The following DTNA variants were observed in gnomAD, a reference collection of about 807,000 sequenced individuals.
DTNA encodes the protein dystrophin-related protein 3.
A neutral mutation model predicts 100.7 loss-of-function variants in DTNA; 43 were observed. The ratio of observed to expected loss-of-function variants is 0.43; its 90% confidence interval spans 0.33 to 0.55. The LOEUF (loss-of-function observed/expected upper bound fraction) is 0.55. DTNA is among the 20% of genes least tolerant of loss of function. The probability of loss-of-function intolerance (pLI) is 0.04; values close to 1 mark genes in which losing one functional copy is unlikely to be tolerated. For synonymous variants in DTNA, 349 were observed against 347.9 expected, an observed-to-expected ratio of 1.00 and a Z score of -0.04; for missense variants, 798 against 953.9, an observed-to-expected ratio of 0.84 and a Z score of 2.15.
chr18:34,814,131 T>C (rs936161250), intron 6 of DTNA, among the ~76,000 whole-genome samples: 1 of 152,206 alleles, frequency 6.6e-6, no homozygotes, highest in Non-Finnish European at 1.5e-5. Flanking sequence ...AATGTTATTC[T>C]TGTGTTCTTG....
intron 4 of DTNA, among the ~76,000 whole-genome samples, chr18:34,795,964 A>G (rs576558992): frequency 6.6e-6 from 1 of 152,346 alleles, no homozygotes; most frequent in East Asian, 1.9e-4. Context: ...AAGATTGATG[A>G]AAAGCTAAGT....
intron 1 of DTNA, among the ~76,000 whole-genome samples, chr18:34,512,876 G>A (rs1601323331): frequency 6.6e-6 from 1 of 152,104 alleles, no homozygotes; most frequent in East Asian, 1.9e-4. Context: ...TTTTTCCACT[G>A]TGATGAAAAG....
chr18:34,705,666 TAACTCA>T (rs1161162726), upstream of DTNA, among the ~76,000 whole-genome samples: 22 of 152,322 alleles, frequency 1.4e-4, no homozygotes, highest in East Asian at 4.2e-3. Context: ...TTAGACTTTC[TAACTCA>T]AACTCAGTAA....
chr18:34,670,398 G>A (rs143392498), intron 1 of DTNA, among the ~76,000 whole-genome samples: 5,278 of 152,014 alleles, frequency 0.035, 287 homozygotes, highest in African/African-American at 0.12. Context: ...AAGTTTGATC[G>A]TCTGAAGCCT....
At chr18:34,697,722 G>T (rs1319726054) in intron 1 of DTNA, among the ~76,000 whole-genome samples, 1 of 152,086 alleles carries the variant, frequency 6.6e-6, no homozygotes, top group Non-Finnish European at 1.5e-5. Context: ...AGGAGGAGGT[G>T]ACAACTTCCT....
At chr18:34,784,696 T>C (rs1288152637) in intron 3 of DTNA, among the ~76,000 whole-genome samples, 1 of 152,214 alleles carries the variant, frequency 6.6e-6, no homozygotes, top group Non-Finnish European at 1.5e-5. Flanking sequence ...CCATGAGACT[T>C]ACAATCTTTT....
At chr18:34,545,132 G>T (rs534380682) in intron 1 of DTNA, among the ~76,000 whole-genome samples, 51 of 152,128 alleles carry the variant, frequency 3.4e-4, no homozygotes, top group African/African-American at 1.2e-3. Flanking sequence ...TAGAGCTTGT[G>T]GGGGCTAATG....
chr18:34,878,139 A>AT (rs2096837057), intron 19 of DTNA, among the ~76,000 whole-genome samples: 1 of 151,962 alleles, frequency 6.6e-6, no homozygotes, highest in South Asian at 2.1e-4. Flanking sequence ...CGCCTGGCTA[A>AT]TTTTTTGTTG....
intron 1 of DTNA, among the ~76,000 whole-genome samples, chr18:34,704,868 A>G (rs1443859003): frequency 6.6e-6 from 1 of 152,174 alleles, no homozygotes; most frequent in Non-Finnish European, 1.5e-5. Context: ...GGTAGACTTA[A>G]TTTTCAGAAA....
At chr18:34,860,078 A>C (rs1361578110) in intron 16 of DTNA, among the ~76,000 whole-genome samples, 1 of 151,802 alleles carries the variant, frequency 6.6e-6, no homozygotes, top group Non-Finnish European at 1.5e-5. Flanking sequence ...ATGGAGTCTC[A>C]CTCTGTCACC....
intron 1 of DTNA, among the ~76,000 whole-genome samples, chr18:34,658,289 C>A (rs2074681740): frequency 6.6e-6 from 1 of 152,160 alleles, no homozygotes; most frequent in African/African-American, 2.4e-5. Context: ...AAATTACAAT[C>A]TTTCAGTAGC....
upstream of DTNA, among the ~76,000 whole-genome samples, chr18:34,707,111 G>T (rs2082213596): frequency 6.6e-6 from 1 of 152,052 alleles, no homozygotes; most frequent in African/African-American, 2.4e-5. Flanking sequence ...TTGCAGCCAT[G>T]TTGCTTAATT....
At position 34,794,150 on chromosome 18, in the gene DTNA, A is replaced by C; in HGVS notation, c.262A>C (p.Ile88Leu). 6.2e-7 allele frequency: 1 copy of C among 1,614,076 alleles called. No homozygotes were observed. Among genetic ancestry groups the C allele is most frequent in the Non-Finnish European group, 8.5e-7 (1 of 1,179,990 alleles). The part of the protein sequence containing the change: ...VSRLEAVLST[I>L]FYQLNKRMPT... ...CCGCTTAGAGGCTGTGCTCTCCACT[A>C]TTTTTTACCAGCTCAACAAACGGAT... is the stretch of plus-strand genomic sequence containing the variant. The change falls in exon 4 of 23, where the codon ATT becomes CTT. Residue 88 changes from isoleucine to leucine, a missense_variant. This residue lies in a region of DTNA where 197 missense variants were observed against 215.4 expected (regional missense o/e 0.91). Coordinates refer to ENST00000444659, the MANE Select transcript of DTNA (RefSeq NM_001386795.1).
At chr18:34,675,420 A>C (rs1025727176) in intron 1 of DTNA, among the ~76,000 whole-genome samples, 1 of 152,144 alleles carries the variant, frequency 6.6e-6, no homozygotes, top group East Asian at 1.9e-4. Context: ...GAAAGTAGCT[A>C]AAATTTCTGC....
chr18:34,783,405 A>G (rs1465463290), intron 3 of DTNA, among the ~76,000 whole-genome samples: 1 of 152,216 alleles, frequency 6.6e-6, no homozygotes, highest in African/African-American at 2.4e-5. Flanking sequence ...TATGTTGTAG[A>G]CCTTTTCATG....
At chr18:34,610,279 G>A (rs942648480) in intron 1 of DTNA, among the ~76,000 whole-genome samples, 3 of 152,140 alleles carry the variant, frequency 2.0e-5, no homozygotes, top group African/African-American at 4.8e-5. Flanking sequence ...TGAGAACTGG[G>A]ATAAGTCAAA....
chr18:34,730,970 C>T (rs2087988024), intron 1 of DTNA, among the ~76,000 whole-genome samples: 1 of 152,138 alleles, frequency 6.6e-6, no homozygotes, highest in Non-Finnish European at 1.5e-5. Context: ...ACATATGCCT[C>T]CAGATAGTTT....
At chr18:34,507,591 A>C (rs1200588009) in intron 1 of DTNA, among the ~76,000 whole-genome samples, 1 of 152,210 alleles carries the variant, frequency 6.6e-6, no homozygotes, top group Non-Finnish European at 1.5e-5. Flanking sequence ...AAAGGACAAC[A>C]GTCTAGGGAA....
intron 8 of DTNA, chr18:34,818,578 G>C (rs1344445365): frequency 1.5e-6 from 2 of 1,364,456 alleles, no homozygotes; most frequent in African/African-American, 2.9e-5. Context: ...TTGGAATATA[G>C]ATAATTCAGT....
Sources: allele counts gnomAD v4.1 joint callset (sites outside exome capture counted in the v4.1 genomes callset), GRCh38; gene constraint gnomAD v4.1.1; regional missense constraint gnomAD v4.1.1; transcripts MANE v1.5; gene names NCBI Gene and HGNC (gene_info 2026-07-23, HGNC 2026-07-21).